The following SV2C variants were observed in gnomAD, a reference collection of about 807,000 sequenced individuals.
The protein encoded by SV2C is solute carrier family 22 member B3.
Under a neutral mutation model 79.7 loss-of-function variants are expected in SV2C, and 49 were observed. That is an observed-to-expected ratio of 0.61 (90% CI 0.49 to 0.78). The LOEUF (loss-of-function observed/expected upper bound fraction) is 0.78, where lower values mean the gene tolerates loss of function less well. Among genes scored for constraint, SV2C ranks in the 30% least tolerant of loss-of-function variants. The pLI is 0.00. For synonymous variants in SV2C, 334 were observed against 333.2 expected (o/e 1.00, Z -0.03); for missense variants, 833 against 912.9 (o/e 0.91, Z 1.13).
chr5:75,986,488 C>T, the SV2C span, among the ~76,000 whole-genome samples: 1 of 151,944 alleles, frequency 6.6e-6, no homozygotes, highest in Non-Finnish European at 1.5e-5. Context: ...CTGCCAATAT[C>T]TTGACATTAG....
the SV2C span, among the ~76,000 whole-genome samples, chr5:75,932,481 G>A: frequency 6.6e-6 from 1 of 152,206 alleles, no homozygotes; most frequent in Non-Finnish European, 1.5e-5. Context: ...CTTCAGAGCT[G>A]AGAGCCACAA....
At chr5:75,964,981 A>T in the SV2C span, among the ~76,000 whole-genome samples, 88 of 152,192 alleles carry the variant, frequency 5.8e-4, no homozygotes, top group African/African-American at 2.1e-3. Context: ...CAACTACAAT[A>T]GTATATTTAC....
chr5:76,336,674 C>T (rs1421586233), downstream of SV2C, among the ~76,000 whole-genome samples: 1 of 152,166 alleles, frequency 6.6e-6, no homozygotes, highest in Non-Finnish European at 1.5e-5. Context: ...GCGGACCACT[C>T]GCAGTTAGGA....
At position 76,262,423 on chromosome 5, in the gene SV2C, G is replaced by A. The variant is rs573981983; in HGVS notation, c.914-22739G>A. ...CATTGATTTTTTTGAAGTGTTTTTC[G>A]TGTCTGTATCTCCTTCAGTTTTCCT... On this transcript the variant is annotated intron_variant, in intron 4 of 12. Coordinates refer to ENST00000502798, the MANE Select transcript of SV2C (RefSeq NM_014979.4). Among the ~76,000 whole-genome samples the A allele has an allele frequency of 7.2e-5, 11 of 151,830 alleles. 1 individual carries two copies. In the East Asian group the frequency reaches 1.2e-3, roughly 16 times the overall value.
chr5:76,254,876 C>T (rs1203170484), intron 4 of SV2C, among the ~76,000 whole-genome samples: 1 of 152,156 alleles, frequency 6.6e-6, no homozygotes, highest in African/African-American at 2.4e-5. Flanking sequence ...TGATCAAAAG[C>T]ATCTGAGACA....
chr5:76,341,816 G>A (rs559129423), intron 12 of SV2C, among the ~76,000 whole-genome samples: 154 of 152,280 alleles, frequency 1.0e-3, no homozygotes, highest in African/African-American at 3.5e-3. Context: ...ATATTGGCAT[G>A]TGGTGATCAT....
At chr5:75,923,526 A>G in the SV2C span, among the ~76,000 whole-genome samples, 66 of 152,320 alleles carry the variant, frequency 4.3e-4, 1 homozygote, top group South Asian at 0.013. Flanking sequence ...TGCATCTGAC[A>G]AAGGACTAGT....
At chr5:76,172,488 C>G (rs200741803) in intron 2 of SV2C, among the ~76,000 whole-genome samples, 1 of 80,618 alleles carries the variant, frequency 1.2e-5, no homozygotes, top group Non-Finnish European at 2.4e-5. Flanking sequence ...TCTGCCCGGC[C>G]GCCCCTACTG....
At chr5:76,180,540 G>T (rs368993580) in intron 2 of SV2C, among the ~76,000 whole-genome samples, 1 of 152,170 alleles carries the variant, frequency 6.6e-6, no homozygotes, top group Non-Finnish European at 1.5e-5. Context: ...CTGTGCTGAC[G>T]CATTTGTTCC....
chr5:76,237,872 A>G (rs2112413906), intron 4 of SV2C, among the ~76,000 whole-genome samples: 1 of 152,134 alleles, frequency 6.6e-6, no homozygotes, highest in South Asian at 2.1e-4. Context: ...TGGTATCATG[A>G]TCATAATATT....
the SV2C span, among the ~76,000 whole-genome samples, chr5:76,054,454 A>G: frequency 3.3e-5 from 5 of 152,202 alleles, no homozygotes; most frequent in Non-Finnish European, 5.9e-5. Flanking sequence ...CAATAAACAT[A>G]TGTGTGCATG....
intron 4 of SV2C, among the ~76,000 whole-genome samples, chr5:76,220,758 C>T (rs1225608171): frequency 3.3e-5 from 5 of 152,080 alleles, no homozygotes; most frequent in Admixed American, 6.5e-5. Context: ...AGTAGCTCAG[C>T]GGTCATCATC....
intron 4 of SV2C, chr5:76,280,896 T>C (rs1747166023): frequency 1.4e-5 from 7 of 492,720 alleles, no homozygotes; most frequent in Admixed American, 1.3e-4. Context: ...AGCCGACAAG[T>C]GAGGGTCTGC....
At chr5:76,284,929 G>T (rs967473542) in intron 4 of SV2C, among the ~76,000 whole-genome samples, 2 of 152,178 alleles carry the variant, frequency 1.3e-5, no homozygotes, top group African/African-American at 4.8e-5. Flanking sequence ...ATGCATACCT[G>T]CACCCCCATA....
the SV2C span, among the ~76,000 whole-genome samples, chr5:75,992,563 C>T: frequency 3.3e-5 from 5 of 152,016 alleles, no homozygotes; most frequent in East Asian, 3.9e-4. Context: ...GATTTGTGAC[C>T]GGTCATGTTT....
At chr5:75,913,768 C>T in the SV2C span, among the ~76,000 whole-genome samples, 1 of 152,120 alleles carries the variant, frequency 6.6e-6, no homozygotes, top group Admixed American at 6.5e-5. Context: ...AATGCAGCCC[C>T]TAAGGTGAAT....
At chr5:75,956,558 T>C in the SV2C span, among the ~76,000 whole-genome samples, 5 of 151,692 alleles carry the variant, frequency 3.3e-5, no homozygotes, top group African/African-American at 1.2e-4. Flanking sequence ...ATAATAATAA[T>C]AAAAAGAGCC....
In SV2C at chr5:76,129,056, A is replaced by G. The variant is rs547027224; in HGVS notation, c.-101-2594A>G. On this transcript the variant is annotated intron_variant, in intron 1 of 12. Coordinates refer to ENST00000502798, the MANE Select transcript of SV2C (RefSeq NM_014979.4). Reference sequence around the variant, plus strand: ...CCCCTGAACAGTCTGCCCCCAGCCAATCATCCTGCACATATTCCAAGATGG... The same window carrying G: ...CCCCTGAACAGTCTGCCCCCAGCCAGTCATCCTGCACATATTCCAAGATGG... Among the ~76,000 whole-genome samples the G allele has an allele frequency of 1.1e-4, 16 of 152,296 alleles. No homozygotes were observed. The East Asian group carries it at 1.3e-3, about 13-fold the overall frequency.
At chr5:76,118,214 GGCT>G (rs1461373329) in intron 1 of SV2C, among the ~76,000 whole-genome samples, 1 of 152,110 alleles carries the variant, frequency 6.6e-6, no homozygotes, top group Non-Finnish European at 1.5e-5. Flanking sequence ...CTCAGCCTGT[GGCT>G]GTGTAACTCT....
Sources: gnomAD v4.1 joint callset for allele counts (sites outside exome capture counted in the v4.1 genomes callset) on GRCh38, gnomAD v4.1.1 for gene constraint, MANE v1.5 for transcripts, NCBI Gene and HGNC (gene_info 2026-07-23, HGNC 2026-07-21) for gene names.